The following GRID1 variants were observed in gnomAD, a reference collection of about 807,000 sequenced individuals.
GRID1 encodes the protein glutamate ionotropic receptor delta type subunit 1.
A neutral mutation model predicts 98.0 loss-of-function variants in GRID1; 28 were observed. The observed-to-expected ratio is 0.29, with a 90% confidence interval of 0.21 to 0.39. The LOEUF is 0.39. Ranked by LOEUF, GRID1 falls within the 10% of genes least tolerant of loss-of-function variation. The pLI is 1.00. For synonymous variants in GRID1, 553 were observed against 538.5 expected (o/e 1.03, Z -0.37); for missense variants, 1,111 against 1,340.5 (o/e 0.83, Z 2.67).
intron 2 of GRID1, among the ~76,000 whole-genome samples, chr10:86,228,016 A>T (rs777329950): frequency 1.6e-4 from 25 of 151,962 alleles, no homozygotes; most frequent in Non-Finnish European, 3.2e-4. Context: ...GGATGGAAGG[A>T]TAGTTGGATG....
intron 12 of GRID1, among the ~76,000 whole-genome samples, chr10:85,714,067 T>C (rs937138738): frequency 6.6e-6 from 1 of 151,978 alleles, no homozygotes; most frequent in Non-Finnish European, 1.5e-5. Context: ...CGGAATACTA[T>C]GCAGCCATAA....
At chr10:86,126,227 G>A (rs1035501940) in intron 4 of GRID1, among the ~76,000 whole-genome samples, 4 of 152,096 alleles carry the variant, frequency 2.6e-5, no homozygotes, top group East Asian at 1.9e-4. Context: ...AGGCCAAGGC[G>A]GGTGGATCAT....
chr10:86,087,756 C>G (rs1589366861), intron 4 of GRID1, among the ~76,000 whole-genome samples: 1 of 152,192 alleles, frequency 6.6e-6, no homozygotes, highest in East Asian at 1.9e-4. Context: ...GGGAGAAGCT[C>G]CCATTCTCTA....
chr10:85,847,671 A>C (rs1413333285), intron 8 of GRID1, among the ~76,000 whole-genome samples: 1 of 152,184 alleles, frequency 6.6e-6, no homozygotes, highest in East Asian at 1.9e-4. Context: ...CCATCATGTC[A>C]CAATTTATCC....
At chr10:86,111,398 C>T (rs1589374851) in intron 4 of GRID1, among the ~76,000 whole-genome samples, 1 of 152,172 alleles carries the variant, frequency 6.6e-6, no homozygotes, top group East Asian at 1.9e-4. Context: ...TAAAGACCTC[C>T]CCCTGGCCTG....
chr10:85,911,919 A>G (rs2131821865), intron 5 of GRID1, among the ~76,000 whole-genome samples: 1 of 152,328 alleles, frequency 6.6e-6, no homozygotes, highest in South Asian at 2.1e-4. Context: ...GTCAAGGCTG[A>G]CTGGGCTTGA....
In GRID1 at chr10:86,197,492, C is replaced by T. The variant is rs989364460; in HGVS notation, c.520+8872G>A. ...ACACAACATCTCCCTTGTTCCCTCT[C>T]ATGTGTGGAGCAAAGGAGGTCTGGG... On this transcript the variant is annotated intron_variant, in intron 3 of 15. Transcript: ENST00000327946. Among the ~76,000 whole-genome samples, 9 of 152,114 alleles carry T rather than the reference C, an allele frequency of 5.9e-5. 1 individual carries two copies. Among genetic ancestry groups the T allele is most frequent in the African/African-American group, 2.2e-4 (9 of 41,440 alleles).
intron 4 of GRID1, among the ~76,000 whole-genome samples, chr10:86,090,355 G>A (rs747878651): frequency 2.2e-4 from 34 of 152,016 alleles, no homozygotes; most frequent in Admixed American, 3.9e-4. Context: ...AGAGGTTGCC[G>A]TGAGCTGAGA....
intron 4 of GRID1, among the ~76,000 whole-genome samples, chr10:86,131,677 G>A (rs533745791): frequency 7.1e-4 from 108 of 152,290 alleles, no homozygotes; most frequent in African/African-American, 2.5e-3. Flanking sequence ...AGAAAGTCCA[G>A]CGGCACTCAG....
intron 2 of GRID1, among the ~76,000 whole-genome samples, chr10:86,346,222 C>G (rs760487090): frequency 2.6e-5 from 4 of 152,268 alleles, no homozygotes; most frequent in African/African-American, 4.8e-5. Flanking sequence ...CTGGAAACAC[C>G]GTCTCCGCCC....
intron 4 of GRID1, among the ~76,000 whole-genome samples, chr10:86,042,734 C>T (rs941396851): frequency 2.2e-4 from 33 of 152,278 alleles, no homozygotes; most frequent in African/African-American, 7.7e-4. Flanking sequence ...TACCTCTAAA[C>T]ATCATAGAAA....
intron 2 of GRID1, among the ~76,000 whole-genome samples, chr10:86,311,904 T>C (rs1847837116): frequency 6.6e-6 from 1 of 152,232 alleles, no homozygotes; most frequent in Admixed American, 6.5e-5. Flanking sequence ...CTGTTTTAAT[T>C]AGCTGATTTT....
chr10:85,950,362 T>C (rs1842104910), intron 4 of GRID1, among the ~76,000 whole-genome samples: 1 of 152,218 alleles, frequency 6.6e-6, no homozygotes, highest in Admixed American at 6.5e-5. Flanking sequence ...GTCATTTTAA[T>C]AGCACGTGCT....
At chr10:86,034,905 G>C (rs1843235303) in intron 4 of GRID1, among the ~76,000 whole-genome samples, 1 of 40,152 alleles carries the variant, frequency 2.5e-5, no homozygotes, top group East Asian at 6.9e-4. Flanking sequence ...TGGATTGGTG[G>C]ATGGATGGAT....
intron 2 of GRID1, among the ~76,000 whole-genome samples, chr10:86,215,665 C>A (rs1846167453): frequency 6.6e-6 from 1 of 152,120 alleles, no homozygotes; most frequent in Non-Finnish European, 1.5e-5. Flanking sequence ...GAACCCAAGC[C>A]CAGACAGCTC....
chr10:86,174,385 A>G (rs1845542744), intron 3 of GRID1, among the ~76,000 whole-genome samples: 1 of 152,102 alleles, frequency 6.6e-6, no homozygotes, highest in Non-Finnish European at 1.5e-5. Flanking sequence ...AAAACAAGCA[A>G]TGGGGAAAGG....
chr10:85,842,939 AAAAAAC>A (rs1842973529), intron 8 of GRID1, among the ~76,000 whole-genome samples: 2 of 151,760 alleles, frequency 1.3e-5, no homozygotes, highest in East Asian at 3.9e-4. Flanking sequence ...TACAACAGCG[AAAAAAC>A]AAAAACAAAA....
chr10:86,155,070 T>C (rs1845225554), intron 3 of GRID1, among the ~76,000 whole-genome samples: 2 of 152,238 alleles, frequency 1.3e-5, no homozygotes, highest in Non-Finnish European at 2.9e-5. Context: ...TTTAGGAACA[T>C]GCCTCCTATA....
Position 86,051,914 on chromosome 10 carries a change from C to A in GRID1, c.726+86905G>T, listed in dbSNP as rs190277635. Among the ~76,000 whole-genome samples the A allele has an allele frequency of 3.3e-4, 50 of 152,344 alleles. 1 individual carries two copies. The highest frequency in any genetic ancestry group is 3.1e-3 in the Admixed American group (47 of 15,310). Reference sequence around the variant, plus strand: ...AAAATTACAAATGCAAAAATCCTTTCACTCTGCAATTCCATTTTTATGTAT... The same window carrying A: ...AAAATTACAAATGCAAAAATCCTTTAACTCTGCAATTCCATTTTTATGTAT... On this transcript the variant is annotated intron_variant, in intron 4 of 15. Coordinates refer to ENST00000327946, the MANE Select transcript of GRID1 (RefSeq NM_017551.3).
Sources: allele counts gnomAD v4.1 joint callset (sites outside exome capture counted in the v4.1 genomes callset), GRCh38; gene constraint gnomAD v4.1.1; transcripts MANE v1.5; gene names NCBI Gene and HGNC (gene_info 2026-07-23, HGNC 2026-07-21).